ANKMY1: variants seen among roughly 807,000 people sequenced by gnomAD.
The protein encoded by ANKMY1 is ankyrin repeat and MYND domain-containing protein 1.
In ANKMY1, 98 loss-of-function variants were observed where a neutral mutation model predicts 102.0. The ratio of observed to expected loss-of-function variants is 0.96; its 90% confidence interval spans 0.82 to 1.14. The LOEUF (loss-of-function observed/expected upper bound fraction) is 1.14. Among genes scored for constraint, ANKMY1 ranks in the 50% most tolerant of loss-of-function variants. ANKMY1 has a pLI of 0.00. For synonymous variants in ANKMY1, 582 were observed against 559.9 expected (o/e 1.04, Z -0.56); for missense variants, 1,330 against 1,347.6 (o/e 0.99, Z 0.20).
At chr2:240,528,633 C>T (rs1473794283) in intron 5 of ANKMY1, among the ~76,000 whole-genome samples, 4 of 152,118 alleles carry the variant, frequency 2.6e-5, no homozygotes, top group Non-Finnish European at 5.9e-5. Context: ...ACGCACAGGG[C>T]CCAGGGCCAG....
the ANKMY1 span, among the ~76,000 whole-genome samples, chr2:240,471,637 G>A: frequency 6.6e-6 from 1 of 152,174 alleles, no homozygotes; most frequent in African/African-American, 2.4e-5. Context: ...TCAGCAAGAT[G>A]GCAGAACAGG....
intron 7 of ANKMY1, among the ~76,000 whole-genome samples, chr2:240,525,380 G>A (rs1034877105): frequency 1.3e-5 from 2 of 152,240 alleles, no homozygotes; most frequent in African/African-American, 4.8e-5. Context: ...GCCCCACCTT[G>A]GGGGCATTGT....
At chr2:240,525,563 C>A in intron 7 of ANKMY1, 122 bp downstream of exon 7, 1 of 1,281,206 alleles carries the variant, frequency 7.8e-7, no homozygotes, top group South Asian at 1.5e-5. Context: ...CCACTCCCTG[C>A]CTTATAACTC....
At chr2:240,549,652 TCAAAA>T (rs2091146264) in intron 4 of ANKMY1, among the ~76,000 whole-genome samples, 1 of 151,944 alleles carries the variant, frequency 6.6e-6, no homozygotes, top group Admixed American at 6.6e-5. Flanking sequence ...TACAATGAAC[TCAAAA>T]CAAATTTACA....
chr2:240,558,876 C>G (rs1433398078), upstream of ANKMY1, among the ~76,000 whole-genome samples: 1 of 152,154 alleles, frequency 6.6e-6, no homozygotes, highest in Non-Finnish European at 1.5e-5. Flanking sequence ...ACAAACCACT[C>G]AGAAAAATGT....
intron 16 of ANKMY1, 152 bp from the exon 17 acceptor site, chr2:240,481,249 G>C (rs1429740080): frequency 6.5e-6 from 6 of 918,418 alleles, no homozygotes; most frequent in Admixed American, 2.9e-5. Flanking sequence ...TTCACACACA[G>C]ACAAAAACCC....
At chr2:240,510,087 C>CCCCTGCTT (rs2079864975) in intron 11 of ANKMY1, among the ~76,000 whole-genome samples, 2 of 140,364 alleles carry the variant, frequency 1.4e-5, no homozygotes, top group African/African-American at 5.4e-5. Context: ...CCTCCCTGCC[C>CCCCTGCTT]CCCTGCTTCC....
intron 4 of ANKMY1, among the ~76,000 whole-genome samples, chr2:240,543,659 G>A (rs990635476): frequency 2.0e-5 from 3 of 151,980 alleles, no homozygotes; most frequent in African/African-American, 4.8e-5. Flanking sequence ...ATATTCACAG[G>A]TTATAAAATG....
In ANKMY1 at chr2:240,542,360, C is replaced by A. The variant is rs1177956857; in HGVS notation, c.480+10554G>T. On this transcript the variant is annotated intron_variant, in intron 4 of 17. Transcript: ENST00000401804. ...TCTCTACTAAAAATACAAAAATTAGCCGGGTGTGGTGGCAGGCGCCTGTAA... is the reference window on the plus strand; with the variant it reads ...TCTCTACTAAAAATACAAAAATTAGACGGGTGTGGTGGCAGGCGCCTGTAA... 6.6e-5 allele frequency among the ~76,000 whole-genome samples: 10 copies of A among 152,056 alleles called. No homozygotes were observed. In the East Asian group the frequency reaches 1.4e-3, roughly 21 times the overall value.
chr2:240,526,151 G>A lies in ANKMY1; in HGVS notation c.1170+78C>T, dbSNP rs1053875397. 11 of 1,534,842 alleles carry A rather than the reference G, an allele frequency of 7.2e-6. No individual in the cohort carries two copies. The African/African-American group carries it at 9.6e-5, about 13-fold the overall frequency. Reference sequence around the variant, plus strand: ...CCTCAGCTCTGCTCCTGCAGAGGGGGCCACAGAGGGCCACCCACATGTGTG... The same window carrying A: ...CCTCAGCTCTGCTCCTGCAGAGGGGACCACAGAGGGCCACCCACATGTGTG... On this transcript the variant is annotated intron_variant, in intron 6 of 17. Coordinates refer to ENST00000401804, the MANE Select transcript of ANKMY1 (RefSeq NM_001282771.3).
chr2:240,557,169 C>T, intron 2 of ANKMY1, 21 bp downstream of exon 2: 1 of 1,464,304 alleles, frequency 6.8e-7, no homozygotes, highest in Non-Finnish European at 9.1e-7. Context: ...TCGGACCTCC[C>T]CGCTGGAGGG....
At chr2:240,481,781 G>T (rs1233331355) in intron 16 of ANKMY1, among the ~76,000 whole-genome samples, 6 of 152,182 alleles carry the variant, frequency 3.9e-5, no homozygotes, top group Non-Finnish European at 8.8e-5. Flanking sequence ...CAGGTGTGCA[G>T]GCTCTGCCGC....
chr2:240,511,886 G>T lies in ANKMY1; in HGVS notation c.2261C>A (p.Ala754Asp). ...CTTGTTGTCATCCTCCCGCTCGCAG[G>T]CCATGTGCAGAGCCGTCCTGCCCCC... Reference protein sequence around the residue: ...EEGGRTALHMACEREDDNKCA... With the variant: ...EEGGRTALHMDCEREDDNKCA... The change falls in exon 11 of 18, where the codon GCC becomes GAC. Residue 754 changes from alanine (A) to aspartate (D), a missense_variant. Transcript: ENST00000401804. The T allele has an allele frequency of 6.3e-7, 1 of 1,592,200 alleles. No homozygotes were observed. The highest frequency in any genetic ancestry group is 8.5e-7 in the Non-Finnish European group (1 of 1,175,318).
At chr2:240,479,145 T>C (rs1225762919), downstream of ANKMY1, among the ~76,000 whole-genome samples, 2 of 152,102 alleles carry the variant, frequency 1.3e-5, no homozygotes, top group Non-Finnish European at 2.9e-5. Flanking sequence ...CAAACCCCAG[T>C]AGGAGCCTTG....
intron 5 of ANKMY1, among the ~76,000 whole-genome samples, chr2:240,528,180 G>A (rs558789206): frequency 1.9e-4 from 29 of 151,974 alleles, no homozygotes; most frequent in East Asian, 9.7e-4. Context: ...CCAGCTACTC[G>A]GGAGGCTGAG....
chr2:240,535,812 G>A (rs2086594085), intron 4 of ANKMY1, among the ~76,000 whole-genome samples: 2 of 152,032 alleles, frequency 1.3e-5, no homozygotes, highest in Non-Finnish European at 2.9e-5. Context: ...TCCAGCCTGG[G>A]TGACAGAGCA....
At position 240,481,111 on chromosome 2, in the gene ANKMY1, T is replaced by TCACC; in HGVS notation, c.2886-18_2886-15dup. On this transcript the variant is annotated splice_polypyrimidine_tract_variant and intron_variant, in intron 16 of 17. Coordinates refer to ENST00000401804, the MANE Select transcript of ANKMY1 (RefSeq NM_001282771.3). Reference sequence around the variant, plus strand: ...AAGAAGGGAATTCTGCAACAGAGCCTCACCGTCAGCAGGCGGCCACTCCAG... The same window carrying TCACC: ...AAGAAGGGAATTCTGCAACAGAGCCTCACCCACCGTCAGCAGGCGGCCACTCCAG... 6.2e-7 allele frequency: 1 copy of TCACC among 1,600,230 alleles called. No individual in the cohort carries two copies. Among genetic ancestry groups the TCACC allele is most frequent in the Non-Finnish European group, 8.6e-7 (1 of 1,168,888 alleles).
chr2:240,557,815 G>T, intron 1 of ANKMY1, 66 bp downstream of exon 1: 1 of 948,692 alleles, frequency 1.1e-6, no homozygotes. Flanking sequence ...CCCCGCACCC[G>T]CCGCCCCACG....
intron 4 of ANKMY1, among the ~76,000 whole-genome samples, chr2:240,544,800 C>T (rs1459785189): frequency 1.3e-4 from 20 of 151,978 alleles, no homozygotes; most frequent in East Asian, 3.9e-4. Context: ...GCTTTTCTGA[C>T]GGGCTTAAAA....
Sources: gnomAD v4.1 joint callset for allele counts (sites outside exome capture counted in the v4.1 genomes callset) on GRCh38, gnomAD v4.1.1 for gene constraint, MANE v1.5 for transcripts, NCBI Gene and HGNC (gene_info 2026-07-23, HGNC 2026-07-21) for gene names.